The following KLHL15 variants were observed in gnomAD, a reference collection of about 807,000 sequenced individuals.
KLHL15 encodes the protein kelch like family member 15, also known as kelch-like protein 15.
KLHL15 carries 1 observed loss-of-function variant against 29.3 expected under a neutral mutation model. That is an observed-to-expected ratio of 0.03 (90% CI 0.01 to 0.16). The LOEUF is 0.16. Among genes scored for constraint, KLHL15 ranks in the 10% least tolerant of loss-of-function variants. KLHL15 has a pLI of 1.00. For missense variants in KLHL15, 215 were observed against 478.5 expected, an observed-to-expected ratio of 0.45 and a Z score of 5.14; for synonymous variants, 212 against 184.5, an observed-to-expected ratio of 1.15 and a Z score of -1.21.
rs60001213 is a variant in KLHL15 at position 24,015,726 on chromosome X, C to T, written c.-7-9026G>A. ...TAAAATGTAAAATCTGGACCGGACACGGTGGCTCACGCCCATAATCCCAAC... is the reference window on the plus strand; with the variant it reads ...TAAAATGTAAAATCTGGACCGGACATGGTGGCTCACGCCCATAATCCCAAC... On this transcript the variant is annotated intron_variant, in intron 2 of 3. Coordinates refer to ENST00000328046, the MANE Select transcript of KLHL15 (RefSeq NM_030624.3). 3.9e-3 allele frequency among the ~76,000 whole-genome samples: 438 copies of T among 112,700 alleles called. 1 individual carries two copies. The highest frequency in any genetic ancestry group is 0.014 in the African/African-American group (423 of 31,066).
In KLHL15 at chrX:23,988,100, C is replaced by T; in HGVS notation, c.1636G>A (p.Val546Ile). 1 of 1,211,130 alleles carries T rather than the reference C, an allele frequency of 8.3e-7. No individual in the cohort carries two copies. The highest frequency in any genetic ancestry group is 1.1e-6 in the Non-Finnish European group (1 of 895,163). The change falls in exon 4 of 4, where the codon GTT (valine) becomes ATT (isoleucine). Residue 546 changes from valine to isoleucine, a missense_variant. Val to Ile is a conservative substitution (Grantham distance 29, BLOSUM62 3). Transcript: ENST00000328046. ...CCATTATAACAAAGGCCTCCAAGAACCATTATTTGTTTGTCCAGCACAGTC... is the reference window on the plus strand; with the variant it reads ...CCATTATAACAAAGGCCTCCAAGAATCATTATTTGTTTGTCCAGCACAGTC... ...GVTVLDKQIMVLGGLCYNGHY... is the reference protein window; with the variant it reads ...GVTVLDKQIMILGGLCYNGHY...
intron 3 of KLHL15, among the ~76,000 whole-genome samples, chrX:24,003,561 C>CA (rs1929376855): frequency 3.5e-5 from 3 of 85,841 alleles, no homozygotes; most frequent in Non-Finnish European, 4.6e-5. Flanking sequence ...TCAAAAAAAA[C>CA]CAAAAAAAAA....
chrX:23,992,648 CTG>C lies in KLHL15; in HGVS notation c.706-3620_706-3619del, dbSNP rs201596894. On this transcript the variant is annotated intron_variant, in intron 3 of 3. Coordinates refer to ENST00000328046, the MANE Select transcript of KLHL15 (RefSeq NM_030624.3). Reference sequence around the variant, plus strand: ...TTAGGATCAATTCCAAGATCAGAAACTGTGTAAGGAAGCTCAAGAAGGCTTGG... The same window carrying C: ...TTAGGATCAATTCCAAGATCAGAAACTGTAAGGAAGCTCAAGAAGGCTTGG... Among the ~76,000 whole-genome samples the C allele has an allele frequency of 9.1e-4, 102 of 112,147 alleles. No individual in the cohort carries two copies. In the East Asian group the frequency reaches 0.016, roughly 18 times the overall value.
intron 2 of KLHL15, among the ~76,000 whole-genome samples, chrX:24,016,318 C>A (rs12558304): frequency 2.6e-5 from 2 of 75,736 alleles, no homozygotes; most frequent in African/African-American, 1.1e-4. Context: ...CCAGCCTGGG[C>A]GACAGAGCAA....
intron 1 of KLHL15, among the ~76,000 whole-genome samples, chrX:24,025,850 C>A (rs1040601516): frequency 9.1e-6 from 1 of 110,097 alleles, no homozygotes; most frequent in Non-Finnish European, 1.9e-5. Flanking sequence ...GGACTGGGCC[C>A]GACGCAGCTT....
chrX:24,017,040 T>C (rs919614933), intron 2 of KLHL15, among the ~76,000 whole-genome samples: 2 of 109,635 alleles, frequency 1.8e-5, no homozygotes, highest in East Asian at 2.9e-4. Context: ...GCGCAACATA[T>C]CAAAACCCCG....
chrX:24,016,271 C>T (rs1191123283), intron 2 of KLHL15, among the ~76,000 whole-genome samples: 4 of 89,487 alleles, frequency 4.5e-5, no homozygotes, highest in Middle Eastern at 0.013. Flanking sequence ...ACCTGGAAGG[C>T]AGAGCTTGCA....
chrX:23,993,757 G>A (rs1042615149), intron 3 of KLHL15, among the ~76,000 whole-genome samples: 2 of 110,336 alleles, frequency 1.8e-5, no homozygotes, highest in Admixed American at 9.8e-5. Context: ...GGTCGGGCAC[G>A]GTGGCTCACA....
At chrX:24,002,158 TAAATAAAG>T (rs1392264086) in intron 3 of KLHL15, among the ~76,000 whole-genome samples, 1 of 110,492 alleles carries the variant, frequency 9.1e-6, no homozygotes, top group Non-Finnish European at 1.9e-5. Flanking sequence ...AATAAATAAA[TAAATAAAG>T]AAAGTATAAT....
At chrX:24,001,053 G>C (rs747442920) in intron 3 of KLHL15, among the ~76,000 whole-genome samples, 2 of 111,972 alleles carry the variant, frequency 1.8e-5, no homozygotes, top group Non-Finnish European at 3.8e-5. Context: ...GGGATATACT[G>C]AATTACATTT....
At chrX:23,998,991 C>T (rs909079288) in intron 3 of KLHL15, among the ~76,000 whole-genome samples, 4 of 111,275 alleles carry the variant, frequency 3.6e-5, no homozygotes, top group South Asian at 7.5e-4. Flanking sequence ...CTGCAACCTC[C>T]GCCTCCTGGG....
intron 2 of KLHL15, 146 bp from the exon 3 acceptor site, chrX:24,006,846 A>G (rs910946801): frequency 6.3e-6 from 3 of 474,716 alleles, no homozygotes; most frequent in Non-Finnish European, 1.1e-5. Flanking sequence ...AAGACAATCT[A>G]AAGGTTTGCA....
chrX:24,002,186 G>A (rs890745403), intron 3 of KLHL15, among the ~76,000 whole-genome samples: 1 of 111,566 alleles, frequency 9.0e-6, no homozygotes, highest in Non-Finnish European at 1.9e-5. Context: ...TATGCATTTT[G>A]CCAAATATAC....
intron 3 of KLHL15, among the ~76,000 whole-genome samples, chrX:24,000,557 T>TA (rs1929293577): frequency 8.9e-6 from 1 of 112,566 alleles, no homozygotes; most frequent in South Asian, 3.6e-4. Flanking sequence ...TGAGGGCTTA[T>TA]ATTTCTCATG....
chrX:24,005,346 G>T (rs1838706216), intron 3 of KLHL15, among the ~76,000 whole-genome samples: 1 of 112,273 alleles, frequency 8.9e-6, no homozygotes, highest in African/African-American at 3.2e-5. Flanking sequence ...AATGTAGATA[G>T]AAGAGTTATA....
intron 2 of KLHL15, among the ~76,000 whole-genome samples, chrX:24,018,534 A>G (rs1338014589): frequency 9.0e-6 from 1 of 110,674 alleles, no homozygotes; most frequent in Non-Finnish European, 1.9e-5. Flanking sequence ...TTGTTTCATA[A>G]ACTTGGTACT....
At chrX:24,005,846 T>G (rs1017668936) in intron 3 of KLHL15, 143 bp downstream of exon 3, 1 of 466,040 alleles carries the variant, frequency 2.1e-6, no homozygotes, top group African/African-American at 2.4e-5. Context: ...AGTACTCTTA[T>G]GTTATTCATT....
rs1192792019 is a variant in KLHL15 at position 23,988,187 on chromosome X, G to C, written c.1549C>G (p.Pro517Ala). 11 of 1,210,133 alleles carry C rather than the reference G, an allele frequency of 9.1e-6. No individual in the cohort carries two copies. The highest frequency in any genetic ancestry group is 1.2e-5 in the Non-Finnish European group (11 of 895,216). Residue 517 changes from proline to alanine, a missense_variant, in exon 4 of 4, where the codon CCA becomes GCA. Transcript: ENST00000328046. ...AAGATGGTCCACTGATCAGTCTCTG[G>C]GTTGTATACTTCTGTAGAAGGGCAT... ...QGCPSTEVYN[P>A]ETDQWTILAS...
intron 2 of KLHL15, among the ~76,000 whole-genome samples, chrX:24,011,266 G>A (rs1373275018): frequency 9.3e-6 from 1 of 107,811 alleles, no homozygotes; most frequent in African/African-American, 3.4e-5. Flanking sequence ...AGCACTTCGG[G>A]AGGCTGAGGT....
Sources: gnomAD v4.1 joint callset for allele counts (sites outside exome capture counted in the v4.1 genomes callset) on GRCh38, gnomAD v4.1.1 for gene constraint, MANE v1.5 for transcripts, NCBI Gene and HGNC (gene_info 2026-07-23, HGNC 2026-07-21) for gene names.